The following C21orf58 variants were observed in gnomAD, a reference collection of about 807,000 sequenced individuals.
C21orf58 encodes the protein uncharacterized protein C21orf58.
C21orf58 carries 34 observed loss-of-function variants against 35.8 expected under a neutral mutation model. The ratio of observed to expected loss-of-function variants is 0.95; its 90% CI spans 0.72 to 1.26. C21orf58 has a LOEUF of 1.26. Ranked by LOEUF, C21orf58 falls within the 50% of genes most tolerant of loss-of-function variation. The pLI is 0.00. For synonymous variants in C21orf58, 191 were observed against 175.8 expected (o/e 1.09, Z -0.68); for missense variants, 440 against 414.3 (o/e 1.06, Z -0.54).
rs149518559 is a variant in C21orf58, at chr21:46,320,484, C to T, written c.100+2155G>A. 3.5e-3 allele frequency among the ~76,000 whole-genome samples: 456 copies of T among 130,270 alleles called. 1 individual carries two copies. Among genetic ancestry groups the T allele is most frequent in the Middle Eastern group, 0.01 (2 of 200 alleles). 85.5% of individuals were successfully genotyped at this position (130,270 alleles called of 152,430 possible). A position where few individuals can be genotyped will look rare whatever the true frequency, so the allele number is the denominator to read the frequency against. The stretch of plus-strand genomic sequence containing the variant: ...AGGTGGCACCACTACTGCACTCCAT[C>T]CTGGGCAACAAGAGTGTAACTCCAC... On this transcript the variant is annotated intron_variant, in intron 1 of 7. Transcript: ENST00000291691.
intron 6 of C21orf58, among the ~76,000 whole-genome samples, chr21:46,308,884 C>T (rs1340307039): frequency 2.0e-5 from 3 of 152,180 alleles, no homozygotes. Context: ...TAGCCATCAG[C>T]ACACTCAGCC....
chr21:46,317,786 A>C (rs1276145119), intron 2 of C21orf58, among the ~76,000 whole-genome samples: 1 of 152,248 alleles, frequency 6.6e-6, no homozygotes, highest in Non-Finnish European at 1.5e-5. Flanking sequence ...GAGGCTCCCC[A>C]GACCCTGTGC....
chr21:46,303,757 T>A (rs866436584), intron 6 of C21orf58, among the ~76,000 whole-genome samples: 834 of 81,866 alleles, frequency 0.01, 28 homozygotes, highest in Non-Finnish European at 0.016. Context: ...TTTTTTTTTT[T>A]TTTTTTTTTT....
At position 46,307,927 on chromosome 21, in the gene C21orf58, C is replaced by T. The variant is rs532997800; in HGVS notation, c.721+3529G>A. Among the ~76,000 whole-genome samples the T allele has an allele frequency of 2.2e-4, 34 of 152,318 alleles. No individual in the cohort carries two copies. In the South Asian group the frequency reaches 6.4e-3, roughly 29 times the overall value. ...CACATGTTGCCAAGGTTGTAAATAA[C>T]TAGAACTCACAAACATTACTAGTGA... On this transcript the variant is annotated intron_variant, in intron 6 of 7. Coordinates refer to ENST00000291691, the MANE Select transcript of C21orf58 (RefSeq NM_058180.5).
chr21:46,306,669 C>T (rs2082432434), intron 6 of C21orf58, among the ~76,000 whole-genome samples: 1 of 152,178 alleles, frequency 6.6e-6, no homozygotes, highest in South Asian at 2.1e-4. Context: ...CTCACTGCAG[C>T]CTCCACCTCC....
chr21:46,314,766 C>G lies in C21orf58; in HGVS notation c.559G>C (p.Ala187Pro). 1 of 1,514,414 alleles carries G rather than the reference C, an allele frequency of 6.6e-7. No homozygotes were observed. Among genetic ancestry groups the G allele is most frequent in the Non-Finnish European group, 8.9e-7 (1 of 1,124,196 alleles). 93.8% of individuals were successfully genotyped at this position (1,514,414 alleles called of 1,614,324 possible). The change falls in exon 5 of 8, where the codon GCC becomes CCC. Residue 187 changes from alanine to proline, a missense_variant. Physicochemically the swap from Ala to Pro is conservative, Grantham distance 27 (BLOSUM62 -1). Transcript: ENST00000291691. Reference protein sequence around the residue: ...ELPPTGILPTASPSPLAPDPP... With the variant: ...ELPPTGILPTPSPSPLAPDPP... ...TCTGGGGCCAGCGGGGATGGGGAGGCAGTGGGTAGGATGCCCGTGGGGGGC... is the reference window on the plus strand; with the variant it reads ...TCTGGGGCCAGCGGGGATGGGGAGGGAGTGGGTAGGATGCCCGTGGGGGGC...
At chr21:46,300,936 T>G (rs2082085983), downstream of C21orf58, 7 of 810,326 alleles carry the variant, frequency 8.6e-6, no homozygotes, top group Non-Finnish European at 1.2e-5. Context: ...CCTGTCCACA[T>G]GGTAAGAAAC....
chr21:46,303,119 G>A (rs1351392665), intron 6 of C21orf58, among the ~76,000 whole-genome samples: 3 of 151,804 alleles, frequency 2.0e-5, no homozygotes, highest in Non-Finnish European at 2.9e-5. Context: ...AGCCAAGATC[G>A]TGCCACTGTA....
chr21:46,318,401 G>C, intron 1 of C21orf58, 181 bp from the exon 2 acceptor site: 1 of 1,432,816 alleles, frequency 7.0e-7, no homozygotes, highest in African/African-American at 1.4e-5. Context: ...CCCCAGGTGT[G>C]GCCAGCTGGG....
rs2083005803 is a variant in C21orf58 at position 46,317,225 on chromosome 21, C to T, written c.353G>A (p.Gly118Asp). ...GCTCTCACCTGGCTCGAGGTGGAGG[C>T]CCTCAGGTCCCCCTTCCACGTTCTG... ...ERQNVEGGPE[G>D]LHLEPGNEDR... Residue 118 changes from glycine to aspartate, a missense_variant, in exon 3 of 8, where the codon GGC becomes GAC. Gly to Asp is a moderately conservative substitution (Grantham distance 94). Coordinates refer to ENST00000291691, the MANE Select transcript of C21orf58 (RefSeq NM_058180.5). 1 of 1,611,346 alleles carries T rather than the reference C, an allele frequency of 6.2e-7. No individual in the cohort carries two copies. The highest frequency in any genetic ancestry group is 8.5e-7 in the Non-Finnish European group (1 of 1,179,644).
At chr21:46,315,087 G>A in intron 4 of C21orf58, 1 of 1,412,958 alleles carries the variant, frequency 7.1e-7, no homozygotes, top group Non-Finnish European at 9.5e-7. Flanking sequence ...GTTTCCAGTT[G>A]TTTTCTTTTT....
At chr21:46,321,627 A>G (rs975963331) in intron 1 of C21orf58, among the ~76,000 whole-genome samples, 1 of 152,194 alleles carries the variant, frequency 6.6e-6, no homozygotes, top group African/African-American at 2.4e-5. Context: ...CTGGGACTGC[A>G]GGTTACAGAA....
At position 46,301,817 on chromosome 21, in the gene C21orf58, C is replaced by G; in HGVS notation, c.*182G>C. On this transcript the variant is annotated 3_prime_UTR_variant, in exon 8 of 8. Coordinates refer to ENST00000291691, the MANE Select transcript of C21orf58 (RefSeq NM_058180.5). ...GCAAGGGATGCCCCCTGGAATGGCC[C>G]CGTGACCAGAAAGCGAGCCTGCCCA... 3.2e-6 allele frequency: 4 copies of G among 1,262,184 alleles called. No homozygotes were observed. The highest frequency in any genetic ancestry group is 4.0e-6 in the Non-Finnish European group (4 of 1,005,582). 78.2% of individuals were successfully genotyped at this position (1,262,184 alleles called of 1,614,324 possible). A position where few individuals can be genotyped will look rare whatever the true frequency, so the allele number is the denominator to read the frequency against.
At chr21:46,311,814 CCCACCCAT>C (rs2082719796) in intron 5 of C21orf58, among the ~76,000 whole-genome samples, 3 of 144,448 alleles carry the variant, frequency 2.1e-5, no homozygotes, top group Admixed American at 2.1e-4. Flanking sequence ...CATTCATCCA[CCCACCCAT>C]CCACCCATCC....
rs1052864014 is a variant in C21orf58 at position 46,322,811 on chromosome 21, C to A, written c.-73G>T. On this transcript the variant is annotated 5_prime_UTR_variant, in exon 1 of 8. Transcript: ENST00000291691. ...AAAAATTCTGAGCGAGATTCCAGGG[C>A]TTCCTGAGGGCGCGTTTAAGTTGCA... is the stretch of plus-strand genomic sequence containing the variant. 6.6e-6 allele frequency: 7 copies of A among 1,065,962 alleles called. No homozygotes were observed. The African/African-American group carries it at 1.2e-4, about 18-fold the overall frequency. 66.0% of individuals were successfully genotyped at this position (1,065,962 alleles called of 1,614,324 possible). A position where few individuals can be genotyped will look rare whatever the true frequency, so the allele number is the denominator to read the frequency against.
intron 3 of C21orf58, among the ~76,000 whole-genome samples, chr21:46,315,834 T>C (rs1289227225): frequency 1.3e-5 from 2 of 152,094 alleles, no homozygotes; most frequent in African/African-American, 2.4e-5. Flanking sequence ...CGCGACCAGG[T>C]TCCTCCTGAG....
intron 6 of C21orf58, among the ~76,000 whole-genome samples, chr21:46,303,918 A>AT (rs1447716448): frequency 1.4e-5 from 2 of 143,858 alleles, no homozygotes; most frequent in Non-Finnish European, 3.0e-5. Flanking sequence ...CGCCCGGCTA[A>AT]TTTTTTGTAT....
intron 1 of C21orf58, among the ~76,000 whole-genome samples, chr21:46,321,617 C>T (rs569098823): frequency 6.6e-6 from 1 of 152,272 alleles, no homozygotes; most frequent in Non-Finnish European, 1.5e-5. Context: ...CCTGGTTAGA[C>T]TGGGACTGCA....
intron 5 of C21orf58, among the ~76,000 whole-genome samples, chr21:46,313,612 A>G (rs1388005957): frequency 6.6e-6 from 1 of 152,220 alleles, no homozygotes; most frequent in African/African-American, 2.4e-5. Flanking sequence ...TGGGGGGTCC[A>G]CAGCAATGAC....
Sources: allele counts gnomAD v4.1 joint callset (sites outside exome capture counted in the v4.1 genomes callset), GRCh38; gene constraint gnomAD v4.1.1; transcripts MANE v1.5; gene names NCBI Gene and HGNC (gene_info 2026-07-23, HGNC 2026-07-21).